The following NECAB1 variants were observed in gnomAD, a reference collection of about 807,000 sequenced individuals.
The protein encoded by NECAB1 is N-terminal EF-hand calcium binding protein 1.
A neutral mutation model predicts 57.5 loss-of-function variants in NECAB1; 29 were observed. The observed-to-expected ratio is 0.50, with a 90% CI of 0.38 to 0.69. The LOEUF (loss-of-function observed/expected upper bound fraction) is 0.69, where lower values mean the gene tolerates loss of function less well. Among genes scored for constraint, NECAB1 ranks in the 30% least tolerant of loss-of-function variants. NECAB1 has a pLI of 0.00. For synonymous variants in NECAB1, 142 were observed against 147.7 expected (o/e 0.96, Z 0.28); for missense variants, 372 against 413.8 (o/e 0.90, Z 0.88).
chr8:90,910,693 TC>T (rs1809810256), intron 5 of NECAB1, among the ~76,000 whole-genome samples: 2 of 152,176 alleles, frequency 1.3e-5, no homozygotes, highest in Non-Finnish European at 2.9e-5. Context: ...GCTACACAGT[TC>T]CAATCCCTTT....
chr8:90,881,958 A>T (rs1211094711), intron 5 of NECAB1, among the ~76,000 whole-genome samples: 8 of 152,218 alleles, frequency 5.3e-5, no homozygotes, highest in African/African-American at 1.9e-4. Flanking sequence ...CAAGAGGGTC[A>T]CAGGACACTC....
chr8:90,804,972 T>C lies in NECAB1; in HGVS notation c.124+3257T>C, dbSNP rs868132807. Among the ~76,000 whole-genome samples, 24 of 152,378 alleles carry C rather than the reference T, an allele frequency of 1.6e-4. 2 individuals are homozygous for C. The South Asian group carries it at 2.9e-3, about 18-fold the overall frequency. On this transcript the variant is annotated intron_variant, in intron 2 of 12. Transcript: ENST00000417640. Reference sequence around the variant, plus strand: ...TAAACACTTGCTCATTTTGCTGCTATTATGATTAATATCATCTCTATTGCT... The same window carrying C: ...TAAACACTTGCTCATTTTGCTGCTACTATGATTAATATCATCTCTATTGCT...
At chr8:90,931,943 CAAAA>C (rs530582789) in intron 8 of NECAB1, among the ~76,000 whole-genome samples, 1 of 150,620 alleles carries the variant, frequency 6.6e-6, no homozygotes, top group African/African-American at 2.4e-5. Context: ...AAATAAAAAA[CAAAA>C]AAAAACCCCA....
At chr8:90,907,159 A>T (rs986810201) in intron 5 of NECAB1, among the ~76,000 whole-genome samples, 1 of 140,258 alleles carries the variant, frequency 7.1e-6, no homozygotes, top group African/African-American at 3.0e-5. Context: ...TGTGAGAGAG[A>T]GAGAGAGAGA....
At chr8:90,954,988 T>G (rs1260453594) in intron 12 of NECAB1, among the ~76,000 whole-genome samples, 2 of 129,712 alleles carry the variant, frequency 1.5e-5, no homozygotes, top group Non-Finnish European at 3.3e-5. Context: ...TGTACATATA[T>G]GTATGTATAT....
chr8:90,805,492 G>A (rs1286628725), intron 2 of NECAB1, among the ~76,000 whole-genome samples: 1 of 149,358 alleles, frequency 6.7e-6, no homozygotes, highest in Non-Finnish European at 1.5e-5. Flanking sequence ...ATGACATCTT[G>A]GAGAGATTTT....
intron 3 of NECAB1, among the ~76,000 whole-genome samples, chr8:90,842,160 C>G (rs571728799): frequency 1.6e-4 from 25 of 152,138 alleles, no homozygotes; most frequent in African/African-American, 5.5e-4. Flanking sequence ...TATAACAAAC[C>G]TGTATATCCT....
intron 5 of NECAB1, among the ~76,000 whole-genome samples, chr8:90,886,794 A>C (rs1809005893): frequency 1.3e-5 from 2 of 151,982 alleles, no homozygotes; most frequent in African/African-American, 4.8e-5. Flanking sequence ...ATTTTCATTA[A>C]ATTTATAAAG....
chr8:90,917,912 ATACACACACACACATATATG>A (rs1563533311), intron 6 of NECAB1, among the ~76,000 whole-genome samples: 3 of 113,982 alleles, frequency 2.6e-5, no homozygotes, highest in East Asian at 3.4e-4. Flanking sequence ...GTGTATATAT[ATACACACACACACATATATG>A]TGTATGTGTG....
chr8:90,799,495 G>A (rs748724245), intron 1 of NECAB1, among the ~76,000 whole-genome samples: 17 of 152,096 alleles, frequency 1.1e-4, no homozygotes, highest in Non-Finnish European at 7.4e-5. Flanking sequence ...TATAGTATTA[G>A]ATAGTGCTCC....
At chr8:90,793,489 A>C (rs1811610292) in intron 1 of NECAB1, among the ~76,000 whole-genome samples, 1 of 152,158 alleles carries the variant, frequency 6.6e-6, no homozygotes, top group Admixed American at 6.5e-5. Context: ...GGCTTGGGTC[A>C]GTCAGATGGT....
chr8:90,818,017 G>T (rs988683407), intron 2 of NECAB1, among the ~76,000 whole-genome samples: 1 of 151,692 alleles, frequency 6.6e-6, no homozygotes, highest in Non-Finnish European at 1.5e-5. Context: ...TTTCTCCTTG[G>T]CAGTTTTGTG....
In NECAB1 at chr8:90,917,866, A is replaced by G. The variant is rs1169535345; in HGVS notation, c.494+238A>G. On this transcript the variant is annotated intron_variant, in intron 6 of 12. Transcript: ENST00000417640. ...TATATATATATATATATATATATAT[A>G]TATATGTGTGTGTGTGCGTGTATAT... Among the ~76,000 whole-genome samples the G allele has an allele frequency of 3.4e-3, 250 of 72,782 alleles. 14 individuals are homozygous for G. The highest frequency in any genetic ancestry group is 0.022 in the African/African-American group (196 of 8,760). 47.7% of individuals were successfully genotyped at this position (72,782 alleles called of 152,430 possible). A position where few individuals can be genotyped will look rare whatever the true frequency, so the allele number is the denominator to read the frequency against.
At chr8:90,813,701 A>AT (rs1158676659) in intron 2 of NECAB1, among the ~76,000 whole-genome samples, 2 of 151,676 alleles carry the variant, frequency 1.3e-5, no homozygotes, top group East Asian at 1.9e-4. Flanking sequence ...TAATTTTTAA[A>AT]TTTTTTTTGT....
intron 3 of NECAB1, among the ~76,000 whole-genome samples, chr8:90,843,987 C>G (rs1812507016): frequency 6.6e-6 from 1 of 152,104 alleles, no homozygotes; most frequent in Admixed American, 6.5e-5. Flanking sequence ...TCTATACTGC[C>G]TTTTTCCTTA....
chr8:90,880,717 T>C (rs1269276738), intron 4 of NECAB1, among the ~76,000 whole-genome samples: 4 of 152,196 alleles, frequency 2.6e-5, no homozygotes, highest in African/African-American at 7.2e-5. Flanking sequence ...AGATCTATAA[T>C]ACTACATTGT....
At chr8:90,820,902 TGTGCTAG>T (rs2129697276) in intron 2 of NECAB1, among the ~76,000 whole-genome samples, 1 of 152,060 alleles carries the variant, frequency 6.6e-6, no homozygotes, top group East Asian at 1.9e-4. Flanking sequence ...ACTCTTACTA[TGTGCTAG>T]GTGCTGTGTT....
intron 1 of NECAB1, among the ~76,000 whole-genome samples, chr8:90,795,610 C>T (rs1811647146): frequency 6.6e-6 from 1 of 152,062 alleles, no homozygotes; most frequent in African/African-American, 2.4e-5. Context: ...GTGTGAGATG[C>T]ACAGAGGAAT....
At chr8:90,881,361 C>T (rs868698500) in intron 5 of NECAB1, among the ~76,000 whole-genome samples, 1 of 152,292 alleles carries the variant, frequency 6.6e-6, no homozygotes, top group South Asian at 2.1e-4. Context: ...TAGAATAGCT[C>T]TCAGCCTGGT....
Sources: allele counts gnomAD v4.1 joint callset (sites outside exome capture counted in the v4.1 genomes callset), GRCh38; gene constraint gnomAD v4.1.1; transcripts MANE v1.5; gene names NCBI Gene and HGNC (gene_info 2026-07-23, HGNC 2026-07-21).